WWTR1: variants seen among roughly 807,000 people sequenced by gnomAD.
WWTR1 encodes WW domain-containing transcription regulator protein 1.
A neutral mutation model predicts 40.1 loss-of-function variants in WWTR1; 13 were observed. The ratio of observed to expected loss-of-function variants is 0.32; its 90% CI spans 0.21 to 0.52. The LOEUF (loss-of-function observed/expected upper bound fraction) is 0.52. Among genes scored for constraint, WWTR1 ranks in the 20% least tolerant of loss-of-function variants. WWTR1 has a pLI of 0.97. For synonymous variants in WWTR1, 230 were observed against 210.1 expected, an observed-to-expected ratio of 1.09 and a Z score of -0.82; for missense variants, 436 against 523.1, an observed-to-expected ratio of 0.83 and a Z score of 1.63.
At chr3:149,646,749 C>T (rs955053902) in intron 2 of WWTR1, among the ~76,000 whole-genome samples, 1 of 152,072 alleles carries the variant, frequency 6.6e-6, no homozygotes, top group South Asian at 2.1e-4. Context: ...AGATGGGAAC[C>T]GGAGAGCTGT....
chr3:149,571,214 C>CTTTTTTTTTTTT (rs10535515), intron 3 of WWTR1, among the ~76,000 whole-genome samples: 1 of 101,278 alleles, frequency 9.9e-6, no homozygotes, highest in Non-Finnish European at 1.9e-5. Context: ...TTTTTCTTTT[C>CTTTTTTTTTTTT]TTTTTTTTTT....
At chr3:149,634,172 G>A (rs1711694848) in intron 2 of WWTR1, among the ~76,000 whole-genome samples, 1 of 152,308 alleles carries the variant, frequency 6.6e-6, no homozygotes, top group South Asian at 2.1e-4. Flanking sequence ...GAGAGCCAGG[G>A]TGGCTCTGGG....
chr3:149,565,748 C>G (rs1265798783), intron 3 of WWTR1, among the ~76,000 whole-genome samples: 5 of 151,538 alleles, frequency 3.3e-5, no homozygotes, highest in Non-Finnish European at 5.9e-5. Context: ...CCCGTCTCTA[C>G]TAAAAATACA....
chr3:149,657,292 C>G lies in WWTR1; in HGVS notation c.15G>C (p.Ser5=), dbSNP rs1350571442. The change falls in exon 2 of 7, where the codon TCG becomes TCC. Residue 5 remains serine (S), a synonymous_variant. Coordinates refer to ENST00000360632, the MANE Select transcript of WWTR1 (RefSeq NM_015472.6). Reference sequence around the variant, plus strand: ...CAGGCGGCGGGAGCGGAGGGGGCGCCGAGGCCGGATTCATCTTCTGCAAAA... The same window carrying G: ...CAGGCGGCGGGAGCGGAGGGGGCGCGGAGGCCGGATTCATCTTCTGCAAAA... MNPA[S]APPPLPPPGQ... is the part of the protein sequence containing the mutation. 3 of 1,611,142 alleles carry G rather than the reference C, an allele frequency of 1.9e-6. No homozygotes were observed. Among genetic ancestry groups the G allele is most frequent in the South Asian group, 1.1e-5 (1 of 90,372 alleles).
chr3:149,569,724 C>T (rs1024950663), intron 3 of WWTR1, among the ~76,000 whole-genome samples: 1 of 152,230 alleles, frequency 6.6e-6, no homozygotes, highest in East Asian at 1.9e-4. Flanking sequence ...AAATGCCTTG[C>T]ATTAAAGAAG....
chr3:149,642,698 C>A (rs1712249199), intron 2 of WWTR1, among the ~76,000 whole-genome samples: 2 of 151,708 alleles, frequency 1.3e-5, no homozygotes, highest in South Asian at 4.2e-4. Flanking sequence ...TGGCCGGAAC[C>A]CGGGAGGCGG....
chr3:149,655,697 A>G (rs1713170623), intron 2 of WWTR1, among the ~76,000 whole-genome samples: 1 of 152,254 alleles, frequency 6.6e-6, no homozygotes, highest in Admixed American at 6.5e-5. Flanking sequence ...GGAAGTAATA[A>G]GAATTGGTCA....
intron 2 of WWTR1, among the ~76,000 whole-genome samples, chr3:149,647,135 T>G (rs982456188): frequency 6.6e-6 from 1 of 152,138 alleles, no homozygotes; most frequent in East Asian, 1.9e-4. Context: ...GATACATGCA[T>G]GCTTGTACTC....
At chr3:149,655,127 A>AAAAGAAAGAAAGAAAG (rs202179151) in intron 2 of WWTR1, among the ~76,000 whole-genome samples, 3 of 147,292 alleles carry the variant, frequency 2.0e-5, no homozygotes, top group African/African-American at 7.6e-5. Context: ...CTCCATCTAA[A>AAAAGAAAGAAAGAAAG]AAAGAAAGAA....
chr3:149,713,336 T>A (rs891908783), intron 5 of WWTR1, among the ~76,000 whole-genome samples: 1 of 152,076 alleles, frequency 6.6e-6, no homozygotes, highest in Non-Finnish European at 1.5e-5. Flanking sequence ...TCCATAATAA[T>A]GTACATCTTG....
chr3:149,656,061 T>C (rs2108161212), intron 2 of WWTR1, among the ~76,000 whole-genome samples: 1 of 152,290 alleles, frequency 6.6e-6, no homozygotes, highest in Non-Finnish European at 1.5e-5. Flanking sequence ...CTGAGGAATG[T>C]AGTTATCTTA....
At chr3:149,588,055 T>C (rs1738512095) in intron 2 of WWTR1, among the ~76,000 whole-genome samples, 1 of 152,228 alleles carries the variant, frequency 6.6e-6, no homozygotes, top group African/African-American at 2.4e-5. Context: ...GAGATGGTTG[T>C]TGCTTTGGAA....
chr3:149,722,777 C>A (rs1042322816), intron 4 of WWTR1, among the ~76,000 whole-genome samples: 2 of 151,792 alleles, frequency 1.3e-5, no homozygotes, highest in South Asian at 2.1e-4. Flanking sequence ...TTTGCTGATT[C>A]TTCTGCTTGC....
chr3:149,628,026 T>C (rs563312166), intron 2 of WWTR1, among the ~76,000 whole-genome samples: 1 of 142,552 alleles, frequency 7.0e-6, no homozygotes, highest in Admixed American at 7.2e-5. Flanking sequence ...TGAGCCGAGA[T>C]GGCGCCATTG....
In WWTR1 at chr3:149,601,221, C is replaced by A. The variant is rs192711662; in HGVS notation, c.432-28221G>T. The stretch of plus-strand genomic sequence containing the variant: ...TTTCTTTCTTTTTGAGACAGAGTCT[C>A]ACTCTGTTGCCCAGGCTGGAGTGCA... On this transcript the variant is annotated intron_variant, in intron 2 of 6. Transcript: ENST00000360632. 2.2e-4 allele frequency among the ~76,000 whole-genome samples: 34 copies of A among 152,216 alleles called. No individual in the cohort carries two copies. In the East Asian group the frequency reaches 6.2e-3, roughly 28 times the overall value.
At chr3:149,718,000 T>C (rs1341191192) in intron 4 of WWTR1, among the ~76,000 whole-genome samples, 6 of 152,176 alleles carry the variant, frequency 3.9e-5, no homozygotes, top group Non-Finnish European at 7.4e-5. Flanking sequence ...GGCTGATTTA[T>C]ACTGAAAAAT....
chr3:149,636,982 A>AC (rs1711857364), intron 2 of WWTR1, among the ~76,000 whole-genome samples: 2 of 150,908 alleles, frequency 1.3e-5, no homozygotes, highest in South Asian at 4.2e-4. Flanking sequence ...AAAAAAAAAA[A>AC]AAAAAAAAGA....
At chr3:149,634,096 A>C (rs1012397584) in intron 2 of WWTR1, among the ~76,000 whole-genome samples, 2 of 152,224 alleles carry the variant, frequency 1.3e-5, no homozygotes, top group Admixed American at 1.3e-4. Flanking sequence ...GGAAGGAAAG[A>C]TGAGAGGTCC....
At chr3:149,572,173 G>C (rs1160922463) in intron 3 of WWTR1, among the ~76,000 whole-genome samples, 3 of 152,172 alleles carry the variant, frequency 2.0e-5, no homozygotes, top group Non-Finnish European at 4.4e-5. Context: ...CTTTCGGAAA[G>C]TTTCTTCATG....
Sources: gnomAD v4.1 joint callset for allele counts (sites outside exome capture counted in the v4.1 genomes callset) on GRCh38, gnomAD v4.1.1 for gene constraint, MANE v1.5 for transcripts, NCBI Gene and HGNC (gene_info 2026-07-23, HGNC 2026-07-21) for gene names.